Variants in KIAA2012 observed in about 807,000 individuals in gnomAD.
The protein encoded by KIAA2012 is uncharacterized protein KIAA2012.
In KIAA2012, 125 loss-of-function variants were observed where a neutral mutation model predicts 150.6. The observed-to-expected ratio is 0.83, with a 90% CI of 0.72 to 0.96. The LOEUF (loss-of-function observed/expected upper bound fraction) is 0.96, where lower values mean the gene tolerates loss of function less well. KIAA2012 is among the 40% of genes least tolerant of loss of function. The pLI, the probability that KIAA2012 is intolerant of heterozygous loss-of-function variation, is 0.00. For missense variants in KIAA2012, 1,219 were observed against 1,354.9 expected, an observed-to-expected ratio of 0.90 and a Z score of 1.57; for synonymous variants, 462 against 504.7, an observed-to-expected ratio of 0.92 and a Z score of 1.13.
chr2:202,154,528 C>T, intron 13 of KIAA2012, 145 bp from the exon 14 acceptor site: 1 of 738,464 alleles, frequency 1.4e-6, no homozygotes, highest in South Asian at 2.1e-5. Flanking sequence ...TCCTCTGTGT[C>T]TTCAACAGTA....
chr2:202,140,868 C>T (rs940184616), intron 13 of KIAA2012, among the ~76,000 whole-genome samples: 100 of 152,160 alleles, frequency 6.6e-4, no homozygotes, highest in African/African-American at 2.4e-3. Flanking sequence ...TCAGTTCCCC[C>T]ACTGGCTGCC....
chr2:202,098,709 A>T (rs1689958758), intron 5 of KIAA2012, among the ~76,000 whole-genome samples: 1 of 151,892 alleles, frequency 6.6e-6, no homozygotes, highest in South Asian at 2.1e-4. Flanking sequence ...TGTAAAATGG[A>T]GCTATTATCA....
intron 19 of KIAA2012, among the ~76,000 whole-genome samples, chr2:202,192,605 G>A (rs190438314): frequency 3.9e-5 from 6 of 152,058 alleles, no homozygotes; most frequent in Admixed American, 2.6e-4. Flanking sequence ...TTACAGCCAC[G>A]TGCCACCATA....
At chr2:202,080,989 A>G (rs995781781) in intron 2 of KIAA2012, among the ~76,000 whole-genome samples, 1 of 152,188 alleles carries the variant, frequency 6.6e-6, no homozygotes, top group African/African-American at 2.4e-5. Context: ...TCCATGAAAC[A>G]GTAACTCCCC....
chr2:202,145,678 CTTTTTTT>C (rs36059685), intron 13 of KIAA2012, among the ~76,000 whole-genome samples: 1 of 75,338 alleles, frequency 1.3e-5, no homozygotes, highest in Non-Finnish European at 2.4e-5. Flanking sequence ...TTGAGAGGGT[CTTTTTTT>C]TTTTTTTTTT....
At chr2:202,204,954 G>A (rs905691895) in intron 23 of KIAA2012, 44 bp from the exon 24 acceptor site, 1 of 152,100 alleles carries the variant, frequency 6.6e-6, no homozygotes, top group African/African-American at 2.4e-5. Context: ...ATCCTTGTGG[G>A]GGAAATTACC....
In KIAA2012 at chr2:202,190,424, C is replaced by T. The variant is rs1692307758; in HGVS notation, c.2742C>T (p.Pro914=). Residue 914 remains proline, a synonymous_variant, in exon 19 of 24, where the codon CCC becomes CCT. Coordinates refer to ENST00000498697, the MANE Select transcript of KIAA2012 (RefSeq NM_001277372.4). ...TTTCTCTAGATGGAAGATCATCACC[C>T]TCTCAGATTGCAACTGTCACTGGCA... ...SQVSLDGRSS[P]SQIATVTGNM... is the part of the protein sequence containing the mutation. 6.5e-7 allele frequency: 1 copy of T among 1,549,700 alleles called. No individual in the cohort carries two copies. Among genetic ancestry groups the T allele is most frequent in the African/African-American group, 1.4e-5 (1 of 72,938 alleles).
intron 2 of KIAA2012, among the ~76,000 whole-genome samples, chr2:202,087,283 C>T (rs1261652868): frequency 6.6e-6 from 1 of 151,998 alleles, no homozygotes; most frequent in Admixed American, 6.6e-5. Context: ...GAAGCTGATA[C>T]AGGTGGATAA....
chr2:202,095,910 C>G (rs879573234), intron 4 of KIAA2012, among the ~76,000 whole-genome samples: 2 of 152,072 alleles, frequency 1.3e-5, no homozygotes, highest in Non-Finnish European at 2.9e-5. Context: ...ATGGTGAAAC[C>G]CCGTCTCTAC....
At chr2:202,078,075 G>T (rs914292642) in intron 2 of KIAA2012, among the ~76,000 whole-genome samples, 1 of 152,222 alleles carries the variant, frequency 6.6e-6, no homozygotes, top group African/African-American at 2.4e-5. Flanking sequence ...ACTTTTAGGA[G>T]CTGGCCCTAG....
intron 22 of KIAA2012, chr2:202,197,984 G>A (rs1314444700): frequency 6.6e-6 from 1 of 151,596 alleles, no homozygotes; most frequent in Non-Finnish European, 1.5e-5. Context: ...GACCAGCCTG[G>A]TCAACATGGT....
rs1692358272 is a variant in KIAA2012, at chr2:202,193,520, A to G, written c.3014+17A>G. 2.6e-6 allele frequency: 4 copies of G among 1,549,592 alleles called. No homozygotes were observed. Among genetic ancestry groups the G allele is most frequent in the African/African-American group, 2.7e-5 (2 of 73,144 alleles). ...AGAGATCCGGTAGGTTGGGCAAGCC[A>G]AAGAGACTACAGCCATGTTAGGAAG... On this transcript the variant is annotated intron_variant, in intron 20 of 23. Coordinates refer to ENST00000498697, the MANE Select transcript of KIAA2012 (RefSeq NM_001277372.4).
chr2:202,174,942 T>G (rs186242393), intron 15 of KIAA2012, among the ~76,000 whole-genome samples: 13 of 152,336 alleles, frequency 8.5e-5, no homozygotes, highest in Admixed American at 5.2e-4. Flanking sequence ...ACACCCAAAA[T>G]TTAAATAATT....
rs1021041469 is a variant in KIAA2012 at position 202,118,257 on chromosome 2, T to C, written c.1762+4811T>C. 4.6e-5 allele frequency among the ~76,000 whole-genome samples: 7 copies of C among 152,160 alleles called. No homozygotes were observed. In the East Asian group the frequency reaches 9.6e-4, roughly 21 times the overall value. On this transcript the variant is annotated intron_variant, in intron 11 of 23. Coordinates refer to ENST00000498697, the MANE Select transcript of KIAA2012 (RefSeq NM_001277372.4). ...TTTTCATAACCCTCATGAGAAATAA[T>C]GTTGGCAGGTGTTACCAGTACTAGT...
chr2:202,123,364 GTC>G (rs1328951772), intron 11 of KIAA2012, among the ~76,000 whole-genome samples: 3 of 152,162 alleles, frequency 2.0e-5, no homozygotes, highest in Admixed American at 2.0e-4. Flanking sequence ...AATCCAGAGT[GTC>G]TGTCTCCAAG....
At chr2:202,077,781 G>C (rs947022806) in intron 2 of KIAA2012, among the ~76,000 whole-genome samples, 2 of 151,840 alleles carry the variant, frequency 1.3e-5, no homozygotes, top group Non-Finnish European at 2.9e-5. Context: ...GACCAGCCTG[G>C]GCAACATAAT....
chr2:202,200,005 C>A (rs1266953488), intron 22 of KIAA2012, among the ~76,000 whole-genome samples: 6 of 141,796 alleles, frequency 4.2e-5, no homozygotes, highest in East Asian at 2.1e-4. Context: ...ATCTTGGCTC[C>A]CTGCAACCTC....
chr2:202,169,701 G>C (rs143181950), intron 15 of KIAA2012, among the ~76,000 whole-genome samples: 78 of 152,134 alleles, frequency 5.1e-4, no homozygotes, highest in African/African-American at 1.8e-3. Context: ...GAGAATCTGG[G>C]GTCTCACCCC....
At chr2:202,167,456 G>T (rs1272415696) in intron 15 of KIAA2012, among the ~76,000 whole-genome samples, 1 of 152,158 alleles carries the variant, frequency 6.6e-6, no homozygotes, top group African/African-American at 2.4e-5. Flanking sequence ...GTTTTGAATC[G>T]CTGCCCTGGG....
Sources: allele counts gnomAD v4.1 joint callset (sites outside exome capture counted in the v4.1 genomes callset), GRCh38; gene constraint gnomAD v4.1.1; transcripts MANE v1.5; gene names NCBI Gene and HGNC (gene_info 2026-07-23, HGNC 2026-07-21).